The following KCNH8 variants were observed in gnomAD, a reference collection of about 807,000 sequenced individuals.
The protein encoded by KCNH8 is potassium voltage-gated channel subfamily H member 8, also known as voltage-gated delayed rectifier potassium channel KCNH8.
In KCNH8, 70 loss-of-function variants were observed where a neutral mutation model predicts 103.6. The observed-to-expected ratio is 0.68, with a 90% CI of 0.56 to 0.82. The LOEUF (loss-of-function observed/expected upper bound fraction) is 0.82, where lower values mean the gene tolerates loss of function less well. KCNH8 is among the 40% of genes least tolerant of loss of function. KCNH8 has a pLI of 0.00. For missense variants in KCNH8, 1,217 were observed against 1,329.9 expected, an observed-to-expected ratio of 0.92 and a Z score of 1.32; for synonymous variants, 498 against 489.4, an observed-to-expected ratio of 1.02 and a Z score of -0.23.
chr3:19,214,027 C>T (rs975450738), intron 1 of KCNH8, among the ~76,000 whole-genome samples: 7 of 152,174 alleles, frequency 4.6e-5, no homozygotes, highest in Non-Finnish European at 1.0e-4. Flanking sequence ...CTACCACCCC[C>T]GCCTGCCCGT....
At chr3:19,366,823 G>A (rs1176735200) in intron 5 of KCNH8, among the ~76,000 whole-genome samples, 1 of 151,950 alleles carries the variant, frequency 6.6e-6, no homozygotes, top group African/African-American at 2.4e-5. Context: ...AAATACATAA[G>A]TAATAAATGA....
At chr3:19,492,294 A>G (rs2125225058) in intron 11 of KCNH8, among the ~76,000 whole-genome samples, 1 of 152,210 alleles carries the variant, frequency 6.6e-6, no homozygotes, top group East Asian at 1.9e-4. Context: ...CGTCTAAGAT[A>G]TTTATAATTT....
intron 1 of KCNH8, among the ~76,000 whole-genome samples, chr3:19,183,944 G>A (rs1457335391): frequency 3.3e-5 from 5 of 152,056 alleles, no homozygotes; most frequent in African/African-American, 4.8e-5. Context: ...TACGGTATTG[G>A]CAAGAATTTA....
At chr3:19,238,254 G>T (rs1021761120) in intron 1 of KCNH8, among the ~76,000 whole-genome samples, 1 of 152,212 alleles carries the variant, frequency 6.6e-6, no homozygotes, top group Non-Finnish European at 1.5e-5. Context: ...TTCATGCTGA[G>T]ATTAAATCTT....
At chr3:19,468,353 C>G (rs866317464) in intron 11 of KCNH8, among the ~76,000 whole-genome samples, 5 of 152,218 alleles carry the variant, frequency 3.3e-5, no homozygotes, top group Middle Eastern at 6.8e-3. Context: ...TGAAGAAAGT[C>G]CTGAAGACAG....
At chr3:19,218,103 G>A (rs1308285453) in intron 1 of KCNH8, among the ~76,000 whole-genome samples, 1 of 152,134 alleles carries the variant, frequency 6.6e-6, no homozygotes, top group African/African-American at 2.4e-5. Flanking sequence ...GTAATTCAAA[G>A]TAATTCTACT....
chr3:19,485,190 G>C (rs752526661), intron 11 of KCNH8, among the ~76,000 whole-genome samples: 10 of 152,124 alleles, frequency 6.6e-5, no homozygotes, highest in Non-Finnish European at 1.3e-4. Flanking sequence ...TCTAAACCTA[G>C]GAATAAGATC....
intron 15 of KCNH8, among the ~76,000 whole-genome samples, chr3:19,524,040 C>T (rs551378945): frequency 6.6e-6 from 1 of 151,950 alleles, no homozygotes; most frequent in African/African-American, 2.4e-5. Flanking sequence ...AGTTGCTTTA[C>T]TACTTTTCTA....
chr3:19,269,090 T>A (rs1423894007), intron 2 of KCNH8, among the ~76,000 whole-genome samples: 1 of 152,068 alleles, frequency 6.6e-6, no homozygotes, highest in Admixed American at 6.6e-5. Flanking sequence ...GGTTTACGTG[T>A]GTTTGTTTGT....
At chr3:19,177,018 G>C (rs2063406924) in intron 1 of KCNH8, among the ~76,000 whole-genome samples, 2 of 151,988 alleles carry the variant, frequency 1.3e-5, no homozygotes, top group Non-Finnish European at 2.9e-5. Context: ...CTTGAACAAA[G>C]CTTATCTAAC....
chr3:19,361,018 C>T (rs980317540), intron 5 of KCNH8, among the ~76,000 whole-genome samples: 1 of 151,922 alleles, frequency 6.6e-6, no homozygotes, highest in East Asian at 1.9e-4. Context: ...CATGCTAAGA[C>T]AAATTTCAGT....
At chr3:19,360,465 T>C (rs994749088) in intron 5 of KCNH8, among the ~76,000 whole-genome samples, 1 of 152,048 alleles carries the variant, frequency 6.6e-6, no homozygotes, top group African/African-American at 2.4e-5. Flanking sequence ...TATTCTTTTG[T>C]ATATGTTTTA....
At chr3:19,281,117 T>A (rs890839566) in intron 2 of KCNH8, 81 bp from the exon 3 acceptor site, 1 of 1,462,764 alleles carries the variant, frequency 6.8e-7, no homozygotes, top group Non-Finnish European at 9.3e-7. Context: ...AAGGGCTTTA[T>A]TTTTTATTGA....
chr3:19,260,137 T>C (rs185048582), intron 2 of KCNH8, among the ~76,000 whole-genome samples: 1 of 151,822 alleles, frequency 6.6e-6, no homozygotes, highest in Admixed American at 6.6e-5. Context: ...GTAAATTTGA[T>C]AATGCTAGCT....
At chr3:19,214,253 A>C (rs2063797962) in intron 1 of KCNH8, among the ~76,000 whole-genome samples, 1 of 152,216 alleles carries the variant, frequency 6.6e-6, no homozygotes, top group Admixed American at 6.5e-5. Context: ...CTTTTATCAG[A>C]GTTAATAATT....
At chr3:19,489,054 T>C (rs1027663463) in intron 11 of KCNH8, among the ~76,000 whole-genome samples, 3 of 152,196 alleles carry the variant, frequency 2.0e-5, no homozygotes, top group Non-Finnish European at 2.9e-5. Context: ...CCCAGTAATA[T>C]TGCTGTTCTC....
intron 15 of KCNH8, among the ~76,000 whole-genome samples, chr3:19,525,494 C>G (rs1288319365): frequency 6.6e-6 from 1 of 151,840 alleles, no homozygotes. Context: ...CTTAGCCAGA[C>G]AGCAATTTGA....
intron 1 of KCNH8, among the ~76,000 whole-genome samples, chr3:19,248,465 A>G (rs187257524): frequency 7.7e-4 from 118 of 152,322 alleles, no homozygotes; most frequent in Non-Finnish European, 1.5e-3. Context: ...AGATGTCATC[A>G]ATGAATTTTT....
At chr3:19,230,710 A>T (rs1240414853) in intron 1 of KCNH8, among the ~76,000 whole-genome samples, 2 of 152,038 alleles carry the variant, frequency 1.3e-5, no homozygotes, top group Non-Finnish European at 2.9e-5. Flanking sequence ...TCAAGAAAAA[A>T]CAGATGGTTT....
Sources: allele counts gnomAD v4.1 joint callset (sites outside exome capture counted in the v4.1 genomes callset), GRCh38; gene constraint gnomAD v4.1.1; transcripts MANE v1.5; gene names NCBI Gene and HGNC (gene_info 2026-07-23, HGNC 2026-07-21).